ABCC4: variants seen among roughly 807,000 people sequenced by gnomAD.
ABCC4 encodes ATP binding cassette subfamily C member 4 (PEL blood group), also known as ATP-binding cassette sub-family C member 4.
A neutral mutation model predicts 168.5 loss-of-function variants in ABCC4; 102 were observed. The observed-to-expected ratio is 0.61, with a 90% confidence interval of 0.52 to 0.71. The LOEUF (loss-of-function observed/expected upper bound fraction) is 0.71, where lower values mean the gene tolerates loss of function less well. Among genes scored for constraint, ABCC4 ranks in the 30% least tolerant of loss-of-function variants. The pLI, the probability that ABCC4 is intolerant of heterozygous loss-of-function variation, is 0.00. For synonymous variants in ABCC4, 617 were observed against 590.7 expected, an observed-to-expected ratio of 1.04 and a Z score of -0.65; for missense variants, 1,402 against 1,605.8, an observed-to-expected ratio of 0.87 and a Z score of 2.17.
intron 26 of ABCC4, among the ~76,000 whole-genome samples, chr13:95,057,014 G>C: frequency 6.6e-6 from 1 of 152,142 alleles, no homozygotes; most frequent in Non-Finnish European, 1.5e-5. Context: ...AAAAAGTTTT[G>C]AAATCCATTT....
At chr13:95,110,614 T>G (rs1424414726) in intron 20 of ABCC4, among the ~76,000 whole-genome samples, 23 of 152,128 alleles carry the variant, frequency 1.5e-4, no homozygotes, top group Admixed American at 1.5e-3. Context: ...CAATTATTGT[T>G]TTAAGAAAAT....
At chr13:95,064,291 TATATATACAC>T (rs2033433125) in intron 25 of ABCC4, among the ~76,000 whole-genome samples, 3 of 100,688 alleles carry the variant, frequency 3.0e-5, no homozygotes, top group Non-Finnish European at 6.2e-5. Context: ...TATATATATA[TATATATACAC>T]ACACACACAC....
At chr13:95,227,210 A>G in intron 4 of ABCC4, among the ~76,000 whole-genome samples, 1 of 152,200 alleles carries the variant, frequency 6.6e-6, no homozygotes. Context: ...GAAAAATCCA[A>G]ACAAAACAAG....
At chr13:95,146,796 T>A (rs1404246883) in intron 19 of ABCC4, among the ~76,000 whole-genome samples, 1 of 152,196 alleles carries the variant, frequency 6.6e-6, no homozygotes, top group East Asian at 1.9e-4. Flanking sequence ...AATAAATTTA[T>A]AATGTTGCTA....
intron 14 of ABCC4, 93 bp from the exon 15 acceptor site, chr13:95,166,460 A>G: frequency 9.1e-7 from 1 of 1,093,484 alleles, no homozygotes; most frequent in Non-Finnish European, 1.3e-6. Context: ...AACTGATCTT[A>G]AGTTATGATT....
intron 1 of ABCC4, among the ~76,000 whole-genome samples, chr13:95,290,103 A>AATAGATAG (rs72443922): frequency 0.032 from 3,629 of 113,748 alleles, 73 homozygotes; most frequent in Middle Eastern, 0.049. Context: ...TCTCAAAAAA[A>AATAGATAG]ATAGATAGAT....
At position 95,084,457 on chromosome 13, in the gene ABCC4, GAATA is replaced by G. The variant is rs35512371; in HGVS notation, c.2536-1171_2536-1168del. On this transcript the variant is annotated intron_variant, in intron 20 of 30. Transcript: ENST00000645237. ...AGAGTTCATTAACATGCCCAATAAA[GAATA>G]GATAAGAGAAATGTAATTAAATTTT... 3.0e-3 allele frequency among the ~76,000 whole-genome samples: 451 copies of G among 152,270 alleles called. 4 individuals are homozygous for G. The highest frequency in any genetic ancestry group is 4.8e-3 in the Non-Finnish European group (326 of 68,006).
chr13:95,122,195 T>C (rs1030986933), intron 19 of ABCC4, among the ~76,000 whole-genome samples: 9 of 152,358 alleles, frequency 5.9e-5, no homozygotes, highest in Admixed American at 3.9e-4. Context: ...CTCACTTTCA[T>C]TTCAAAGATT....
At chr13:95,132,836 G>C (rs1048288296) in intron 19 of ABCC4, among the ~76,000 whole-genome samples, 2 of 152,100 alleles carry the variant, frequency 1.3e-5, no homozygotes, top group Non-Finnish European at 1.5e-5. Context: ...AAGACTGTTT[G>C]ATTCCAGTTA....
chr13:95,249,454 T>C (rs1468849707), intron 1 of ABCC4, among the ~76,000 whole-genome samples: 1 of 152,152 alleles, frequency 6.6e-6, no homozygotes. Context: ...ATGGTGGGCT[T>C]TCAATGCCCC....
intron 26 of ABCC4, among the ~76,000 whole-genome samples, chr13:95,059,496 T>G (rs1234031547): frequency 3.3e-5 from 5 of 152,136 alleles, no homozygotes; most frequent in Non-Finnish European, 5.9e-5. Flanking sequence ...GCTCGCGAAA[T>G]GCAAAGCATT....
At chr13:95,292,266 G>C (rs7999927) in intron 1 of ABCC4, among the ~76,000 whole-genome samples, 43,816 of 151,698 alleles carry the variant, frequency 0.29, 7,930 homozygotes, top group African/African-American at 0.52. Context: ...GGCTGAGGTG[G>C]AAGGATGGCT....
intron 1 of ABCC4, among the ~76,000 whole-genome samples, chr13:95,250,870 C>G (rs764347998): frequency 2.7e-5 from 4 of 145,582 alleles, no homozygotes; most frequent in Non-Finnish European, 4.5e-5. Context: ...GCTCAGCAGT[C>G]TCAAACTTCT....
chr13:95,131,365 C>T lies in ABCC4; in HGVS notation c.2456-15364G>A, dbSNP rs575139871. Among the ~76,000 whole-genome samples the T allele has an allele frequency of 1.1e-4, 17 of 152,256 alleles. No individual in the cohort carries two copies. The South Asian group carries it at 2.7e-3, about 24-fold the overall frequency. ...TTGCCCAGCCAGGCGCAGTGGCTCA[C>T]GCCTGTAATCCTAACACTTTTGGAG... On this transcript the variant is annotated intron_variant, in intron 19 of 30. Transcript: ENST00000645237.
At chr13:95,078,648 A>T (rs917390275) in intron 21 of ABCC4, among the ~76,000 whole-genome samples, 1 of 152,192 alleles carries the variant, frequency 6.6e-6, no homozygotes, top group Admixed American at 6.5e-5. Context: ...AACTTGGTCA[A>T]TCTGGAAACA....
At chr13:95,183,891 G>A (rs1426163173) in intron 11 of ABCC4, among the ~76,000 whole-genome samples, 1 of 151,262 alleles carries the variant, frequency 6.6e-6, no homozygotes, top group Non-Finnish European at 1.5e-5. Flanking sequence ...TCCAGCCTGG[G>A]TGACAGAGCG....
At chr13:95,073,433 T>C (rs779003062) in intron 23 of ABCC4, 129 bp from the exon 24 acceptor site, 33 of 529,180 alleles carry the variant, frequency 6.2e-5, no homozygotes, top group Non-Finnish European at 1.0e-4. Context: ...TTAATAGCTA[T>C]ACTTTTACCA....
intron 4 of ABCC4, among the ~76,000 whole-genome samples, chr13:95,228,402 G>C (rs748728781): frequency 2.0e-5 from 3 of 152,176 alleles, no homozygotes; most frequent in Non-Finnish European, 2.9e-5. Context: ...TACTCAGTCT[G>C]TGGTAGAGGA....
chr13:95,194,688 TACTC>T, intron 9 of ABCC4, 144 bp downstream of exon 9: 1 of 577,910 alleles, frequency 1.7e-6, no homozygotes, highest in Non-Finnish European at 2.9e-6. Flanking sequence ...TTGCAAAACT[TACTC>T]CTAATTTTGA....
Sources: allele counts gnomAD v4.1 joint callset (sites outside exome capture counted in the v4.1 genomes callset), GRCh38; gene constraint gnomAD v4.1.1; transcripts MANE v1.5; gene names NCBI Gene and HGNC (gene_info 2026-07-23, HGNC 2026-07-21).